RUNX2: variants seen among roughly 807,000 people sequenced by gnomAD.
The protein encoded by RUNX2 is runt-related transcription factor 2.
RUNX2 carries 10 observed loss-of-function variants against 51.7 expected under a neutral mutation model. The ratio of observed to expected loss-of-function variants is 0.19; its 90% CI spans 0.12 to 0.33. The LOEUF is 0.33. RUNX2 is among the 10% of genes least tolerant of loss of function. The pLI is 1.00. For synonymous variants in RUNX2, 276 were observed against 273.6 expected (o/e 1.01, Z -0.09); for missense variants, 562 against 691.3 (o/e 0.81, Z 2.10).
chr6:45,460,893 A>G (rs559073998), intron 5 of RUNX2, among the ~76,000 whole-genome samples: 2 of 152,372 alleles, frequency 1.3e-5, no homozygotes, highest in East Asian at 1.9e-4. Flanking sequence ...AGGATAGTGT[A>G]TAGTAAAATT....
intron 5 of RUNX2, among the ~76,000 whole-genome samples, chr6:45,452,571 T>C (rs1339691606): frequency 6.6e-6 from 1 of 152,170 alleles, no homozygotes; most frequent in Admixed American, 6.5e-5. Flanking sequence ...ACTTTTGTAA[T>C]AATTAATTAG....
intron 2 of RUNX2, among the ~76,000 whole-genome samples, chr6:45,359,136 G>C (rs1477350050): frequency 6.6e-6 from 1 of 152,036 alleles, no homozygotes; most frequent in African/African-American, 2.4e-5. Context: ...CTTCTCATGA[G>C]AGAATTGATA....
intron 2 of RUNX2, among the ~76,000 whole-genome samples, chr6:45,389,184 C>A (rs1797419362): frequency 6.6e-6 from 1 of 152,174 alleles, no homozygotes; most frequent in Admixed American, 6.5e-5. Flanking sequence ...ATACTTAGTT[C>A]AATAGTTTCT....
rs572823081 is a variant in RUNX2, at chr6:45,363,923, T to C, written c.58+35139T>C. On this transcript the variant is annotated intron_variant, in intron 2 of 8. Coordinates refer to ENST00000647337, the MANE Select transcript of RUNX2 (RefSeq NM_001024630.4). ...TTTCTTTTTAAATTCTAAGTAATTC[T>C]GGCCAACATGGCGAAACCCTGTCTC... Among the ~76,000 whole-genome samples the C allele has an allele frequency of 9.9e-5, 15 of 152,060 alleles. No individual in the cohort carries two copies. The East Asian group carries it at 2.9e-3, about 29-fold the overall frequency.
intron 5 of RUNX2, among the ~76,000 whole-genome samples, chr6:45,477,029 T>TTGTGAC (rs1452681508): frequency 1.3e-5 from 2 of 152,158 alleles, no homozygotes; most frequent in Non-Finnish European, 2.9e-5. Context: ...CTTTTTACCA[T>TTGTGAC]TGTGACCTAA....
At chr6:45,379,782 C>T (rs1278795755) in intron 2 of RUNX2, among the ~76,000 whole-genome samples, 1 of 152,104 alleles carries the variant, frequency 6.6e-6, no homozygotes, top group African/African-American at 2.4e-5. Context: ...AGGAGAATCG[C>T]TTGAACCTGG....
At chr6:45,365,564 G>A (rs994173809) in intron 2 of RUNX2, among the ~76,000 whole-genome samples, 6 of 151,000 alleles carry the variant, frequency 4.0e-5, no homozygotes, top group African/African-American at 1.5e-4. Context: ...AATAGGTAAT[G>A]TAAAAACAGT....
At chr6:45,344,160 A>G (rs545040549) in intron 2 of RUNX2, among the ~76,000 whole-genome samples, 1 of 152,330 alleles carries the variant, frequency 6.6e-6, no homozygotes, top group African/African-American at 2.4e-5. Flanking sequence ...GAGAAAGAAC[A>G]TCCACTAAAT....
intron 2 of RUNX2, among the ~76,000 whole-genome samples, chr6:45,418,997 C>T (rs1029437445): frequency 3.3e-5 from 5 of 152,038 alleles, no homozygotes; most frequent in African/African-American, 4.8e-5. Context: ...TTAAATTGCC[C>T]TTAAAATCCC....
intron 2 of RUNX2, 104 bp from the exon 3 acceptor site, chr6:45,422,489 C>G: frequency 2.1e-6 from 1 of 481,124 alleles, no homozygotes; most frequent in Non-Finnish European, 3.4e-6. Context: ...CCCCCCGTCT[C>G]GCCTTCACCC....
At chr6:45,406,541 A>G (rs956451924) in intron 2 of RUNX2, among the ~76,000 whole-genome samples, 1 of 152,120 alleles carries the variant, frequency 6.6e-6, no homozygotes, top group Non-Finnish European at 1.5e-5. Flanking sequence ...CAGCCTCCCA[A>G]GTAGCTGGGA....
At chr6:45,503,846 T>C (rs1800872498) in intron 6 of RUNX2, among the ~76,000 whole-genome samples, 1 of 152,250 alleles carries the variant, frequency 6.6e-6, no homozygotes, top group African/African-American at 2.4e-5. Flanking sequence ...CTTCTGGTTT[T>C]TCTTTTAACA....
chr6:45,495,374 A>G (rs1173493582), intron 6 of RUNX2, among the ~76,000 whole-genome samples: 1 of 152,252 alleles, frequency 6.6e-6, no homozygotes, highest in African/African-American at 2.4e-5. Context: ...CTGTCCCAGG[A>G]TGTCATTGTT....
At chr6:45,415,515 C>T (rs553020626) in intron 2 of RUNX2, among the ~76,000 whole-genome samples, 31 of 152,276 alleles carry the variant, frequency 2.0e-4, no homozygotes, top group African/African-American at 7.0e-4. Context: ...CTGCTACAAA[C>T]AGCCCAGGAG....
At chr6:45,499,925 T>C (rs942698132) in intron 6 of RUNX2, among the ~76,000 whole-genome samples, 2 of 152,222 alleles carry the variant, frequency 1.3e-5, no homozygotes, top group African/African-American at 4.8e-5. Flanking sequence ...TATATACATA[T>C]GTATATGTAC....
rs1285040051 is a variant in RUNX2, at chr6:45,545,224, C to T, written c.1029C>T (p.Asp343=). ...ATCCCCCTCATTTTACAGATGATGA[C>T]ACTGCCACCTCTGACTTCTGCCTCT... The part of the protein sequence containing the change: ...TDVPRRISDD[D]TATSDFCLWP... Residue 343 remains aspartate (D), a synonymous_variant, in exon 8 of 9, where the codon GAC becomes GAT. Coordinates refer to ENST00000647337, the MANE Select transcript of RUNX2 (RefSeq NM_001024630.4). 1 of 1,549,180 alleles carries T rather than the reference C, an allele frequency of 6.5e-7. No individual in the cohort carries two copies. The highest frequency in any genetic ancestry group is 2.0e-5 in the Admixed American group (1 of 51,006).
At position 45,504,972 on chromosome 6, in the gene RUNX2, C is replaced by T. The variant is rs144169825; in HGVS notation, c.860-7274C>T. 9.2e-5 allele frequency among the ~76,000 whole-genome samples: 14 copies of T among 152,322 alleles called. No individual in the cohort carries two copies. The East Asian group carries it at 1.7e-3, about 19-fold the overall frequency. On this transcript the variant is annotated intron_variant, in intron 6 of 8. Transcript: ENST00000647337. Reference sequence around the variant, plus strand: ...GCCCCAATACGGCAGGTACTCCCTGCAGACAGCTTTGGCAGAATCACTGGC... The same window carrying T: ...GCCCCAATACGGCAGGTACTCCCTGTAGACAGCTTTGGCAGAATCACTGGC...
intron 2 of RUNX2, among the ~76,000 whole-genome samples, chr6:45,365,611 C>T (rs1794995849): frequency 6.7e-6 from 1 of 148,916 alleles, no homozygotes; most frequent in East Asian, 2.0e-4. Flanking sequence ...CATTGGTTTT[C>T]AAAATGTGCT....
At chr6:45,362,440 T>G (rs1243211621) in intron 2 of RUNX2, among the ~76,000 whole-genome samples, 1 of 152,108 alleles carries the variant, frequency 6.6e-6, no homozygotes, top group Non-Finnish European at 1.5e-5. Context: ...TAACACAAAA[T>G]AAACATAGCA....
Sources: allele counts gnomAD v4.1 joint callset (sites outside exome capture counted in the v4.1 genomes callset), GRCh38; gene constraint gnomAD v4.1.1; transcripts MANE v1.5; gene names NCBI Gene and HGNC (gene_info 2026-07-23, HGNC 2026-07-21).